Variants in RFX1 observed in about 807,000 individuals in gnomAD.
The protein encoded by RFX1 is regulatory factor X1, also known as MHC class II regulatory factor RFX1.
Under a neutral mutation model 119.6 loss-of-function variants are expected in RFX1, and 42 were observed. The ratio of observed to expected loss-of-function variants is 0.35; its 90% CI spans 0.27 to 0.45. The LOEUF (loss-of-function observed/expected upper bound fraction) is 0.45, where lower values mean the gene tolerates loss of function less well. RFX1 is among the 20% of genes least tolerant of loss of function. The pLI, the probability that RFX1 is intolerant of heterozygous loss-of-function variation, is 1.00. For synonymous variants in RFX1, 628 were observed against 618.5 expected (o/e 1.02, Z -0.23); for missense variants, 1,118 against 1,368.1 (o/e 0.82, Z 2.88).
At chr19:13,964,037 T>C in intron 16 of RFX1, 30 bp from the exon 17 acceptor site, 1 of 1,524,104 alleles carries the variant, frequency 6.6e-7, no homozygotes, top group South Asian at 1.2e-5. Flanking sequence ...GGCTTGCTGC[T>C]TCCAAGGAAC....
chr19:13,993,920 G>A, intron 1 of RFX1, 25 bp from the exon 2 acceptor site: 2 of 1,215,728 alleles, frequency 1.6e-6, no homozygotes, highest in Non-Finnish European at 2.3e-6. Context: ...CGGGGATGGG[G>A]GAGAGAAAAA....
At chr19:13,998,766 C>T (rs538737550) in intron 1 of RFX1, among the ~76,000 whole-genome samples, 3 of 152,318 alleles carry the variant, frequency 2.0e-5, no homozygotes, top group Admixed American at 2.0e-4. Flanking sequence ...CTGAGGCAGA[C>T]AGTCCTGACA....
intron 18 of RFX1, 56 bp downstream of exon 18, chr19:13,963,482 C>A (rs1316179866): frequency 7.9e-6 from 12 of 1,518,890 alleles, no homozygotes; most frequent in Non-Finnish European, 1.1e-5. Flanking sequence ...CTGAGACCCC[C>A]AGGGACGCGG....
intron 2 of RFX1, among the ~76,000 whole-genome samples, chr19:13,989,622 TC>T (rs1055472062): frequency 3.3e-5 from 5 of 151,990 alleles, no homozygotes; most frequent in Middle Eastern, 3.2e-3. Context: ...GCTTTTAAAG[TC>T]CTTTTTTGTC....
chr19:13,966,770 C>A lies in RFX1; in HGVS notation c.1733-19G>T. On this transcript the variant is annotated intron_variant, in intron 12 of 20. Transcript: ENST00000254325. This position sits in a 1 kb window ranked among gnomAD's most constrained non-coding sequence, Gnocchi z 6.3. ...GAGGCATCTAGGGGGCCGGGGGGAA[C>A]CGTGAGGCCCTTCATCCCCCTTGCC... 6.5e-7 allele frequency: 1 copy of A among 1,546,246 alleles called. No individual in the cohort carries two copies. The highest frequency in any genetic ancestry group is 8.9e-7 in the Non-Finnish European group (1 of 1,129,862).
Position 13,970,117 on chromosome 19 carries a change from G to C in RFX1, c.1373C>G (p.Thr458Ser). ...GTGCAGTAAGTAGTGGCAGTAGAGG[G>C]TGCTCCGTGGCAGACTCACGCCCTC... ...TAEGVSLPRS[T>S]LYCHYLLHCQ... The change falls in exon 10 of 21, where the codon ACC (threonine) becomes AGC (serine). Residue 458 changes from threonine (T) to serine (S), a missense_variant. Transcript: ENST00000254325. 1 of 1,613,980 alleles carries C rather than the reference G, an allele frequency of 6.2e-7. No individual in the cohort carries two copies. Among genetic ancestry groups the C allele is most frequent in the South Asian group, 1.1e-5 (1 of 91,088 alleles).
At position 13,966,489 on chromosome 19, in the gene RFX1, C is replaced by T. The variant is rs550900697; in HGVS notation, c.1893G>A (p.Val631=). 6.3e-7 allele frequency: 1 copy of T among 1,596,410 alleles called. No homozygotes were observed. Among genetic ancestry groups the T allele is most frequent in the East Asian group, 2.3e-5 (1 of 44,358 alleles). ...TCCAGAAGGTCTTCCACAGCGTCTC[C>T]ACCAGGGTGAACTGCAGGTTCACCA... is the stretch of plus-strand genomic sequence containing the variant. The part of the protein sequence containing the change: ...DVMVNLQFTL[V]ETLWKTFWRY... The change falls in exon 14 of 21, where the codon GTG becomes GTA. Residue 631 remains valine, a synonymous_variant. Transcript: ENST00000254325. The surrounding 1 kb of genome is among the most constrained non-coding windows in gnomAD (Gnocchi z 6.3).
At chr19:13,981,795 G>T (rs1198093160) in intron 5 of RFX1, among the ~76,000 whole-genome samples, 2 of 152,212 alleles carry the variant, frequency 1.3e-5, no homozygotes, top group African/African-American at 4.8e-5. Flanking sequence ...CCTCCGGGGG[G>T]AAGAGGAACC....
At chr19:13,988,385 G>A (rs1451781556) in intron 2 of RFX1, among the ~76,000 whole-genome samples, 1 of 152,146 alleles carries the variant, frequency 6.6e-6, no homozygotes, top group Non-Finnish European at 1.5e-5. Flanking sequence ...GAAGGACTTG[G>A]GGAGTGGTGG....
chr19:13,978,319 C>T (rs1169862383), intron 7 of RFX1, among the ~76,000 whole-genome samples: 1 of 152,190 alleles, frequency 6.6e-6, no homozygotes, highest in African/African-American at 2.4e-5. Context: ...AAGGGTGGGG[C>T]CTGACGGACA....
chr19:13,982,496 G>A (rs1974460820), intron 4 of RFX1, among the ~76,000 whole-genome samples: 2 of 152,192 alleles, frequency 1.3e-5, no homozygotes. Context: ...GGAATGTGCT[G>A]TCATCCTTAA....
At position 13,983,264 on chromosome 19, in the gene RFX1, G is replaced by A; in HGVS notation, c.436C>T (p.Leu146=). 2 of 1,556,480 alleles carry A rather than the reference G, an allele frequency of 1.3e-6. No individual in the cohort carries two copies. The highest frequency in any genetic ancestry group is 4.8e-5 in the East Asian group (2 of 41,996). The change falls in exon 4 of 21, where the codon CTG becomes TTG. Residue 146 remains leucine, a synonymous_variant. Coordinates refer to ENST00000254325, the MANE Select transcript of RFX1 (RefSeq NM_002918.5). ...TTGGCCTGCACGCTCGTCTGGACCA[G>A]CAGCCGCTGTGGAGACAAGGCAGGA... ...QQVQGTQQRL[L]VQTSVQAKPG... is the part of the protein sequence containing the mutation.
Position 13,980,680 on chromosome 19 carries a change from C to T in RFX1, c.631G>A (p.Val211Met), listed in dbSNP as rs1452105590. The T allele has an allele frequency of 3.2e-6, 5 of 1,579,030 alleles. 1 individual carries two copies. The highest frequency in any genetic ancestry group is 2.6e-6 in the Non-Finnish European group (3 of 1,166,404). Residue 211 changes from valine to methionine, a missense_variant, in exon 6 of 21, where the codon GTG (valine) becomes ATG (methionine). By Grantham distance (21) the Val-to-Met change is conservative (BLOSUM62 1). Transcript: ENST00000254325. The surrounding 1 kb of genome is among the most constrained non-coding windows in gnomAD (Gnocchi z 5.1). ...TTGCTGGAAGAGCTGTTGGCCTGCA[C>T]CGGCGACTGCTGTAAGGGAAGGAGA... ...QVHSPPEQSP[V>M]QANSSSSKTA... is the part of the protein sequence containing the mutation.
chr19:13,987,634 T>C (rs1256118777), intron 2 of RFX1, among the ~76,000 whole-genome samples: 1 of 151,682 alleles, frequency 6.6e-6, no homozygotes, highest in African/African-American at 2.4e-5. Flanking sequence ...GGCTGGGGAG[T>C]TACTGCAAGG....
At chr19:13,995,378 C>G (rs1272746165) in intron 1 of RFX1, among the ~76,000 whole-genome samples, 1 of 152,098 alleles carries the variant, frequency 6.6e-6, no homozygotes, top group Non-Finnish European at 1.5e-5. Flanking sequence ...CAAAAAGCCC[C>G]TGTGAGCTGC....
At chr19:13,964,568 G>A (rs531964925) in intron 16 of RFX1, among the ~76,000 whole-genome samples, 4 of 152,148 alleles carry the variant, frequency 2.6e-5, no homozygotes, top group African/African-American at 7.2e-5. Context: ...TGCATCCTCC[G>A]CCTCGTGGGT....
rs575672225 is a variant in RFX1, at chr19:13,966,058, A to G, written c.1962-281T>C. 3.0e-3 allele frequency among the ~76,000 whole-genome samples: 453 copies of G among 152,188 alleles called. 4 individuals carry two copies. Among genetic ancestry groups the G allele is most frequent in the Non-Finnish European group, 4.2e-3 (288 of 67,966 alleles). ...GCCCTGCCCCCAGCGTCAGAAGGGC[A>G]CAGGTACCCCCGTCCCCAGGTAAGT... On this transcript the variant is annotated intron_variant, in intron 14 of 20. Coordinates refer to ENST00000254325, the MANE Select transcript of RFX1 (RefSeq NM_002918.5). The surrounding 1 kb of genome is among the most constrained non-coding windows in gnomAD (Gnocchi z 6.3).
At position 13,968,528 on chromosome 19, in the gene RFX1, G is replaced by A. The variant is rs1030192473; in HGVS notation, c.1732+37C>T. 2 of 1,518,848 alleles carry A rather than the reference G, an allele frequency of 1.3e-6. No individual in the cohort carries two copies. The highest frequency in any genetic ancestry group is 2.7e-5 in the African/African-American group (2 of 73,090). 94.1% of individuals were successfully genotyped at this position (1,518,848 alleles called of 1,614,324 possible). On this transcript the variant is annotated intron_variant, in intron 12 of 20. Coordinates refer to ENST00000254325, the MANE Select transcript of RFX1 (RefSeq NM_002918.5). This position sits in a 1 kb window ranked among gnomAD's most constrained non-coding sequence, Gnocchi z 5.5. ...GGAACCGTCTGCACGGGGCAGGGAG[G>A]CGGTGGTTGGGGAAGCACGGGCCAG...
intron 5 of RFX1, among the ~76,000 whole-genome samples, chr19:13,981,733 G>A (rs1256335859): frequency 6.6e-6 from 1 of 152,210 alleles, no homozygotes; most frequent in African/African-American, 2.4e-5. Flanking sequence ...GGTGTTGTGG[G>A]TCCCCAGAAT....
Sources: allele counts gnomAD v4.1 joint callset (sites outside exome capture counted in the v4.1 genomes callset), GRCh38; gene constraint gnomAD v4.1.1; non-coding constraint Gnocchi (gnomAD v3.1); transcripts MANE v1.5; gene names NCBI Gene and HGNC (gene_info 2026-07-23, HGNC 2026-07-21).